The following MRAP2 variants were observed in gnomAD, a reference collection of about 807,000 sequenced individuals.
The protein encoded by MRAP2 is melanocortin-2 receptor accessory protein 2.
MRAP2 carries 20 observed loss-of-function variants against 17.4 expected under a neutral mutation model. The observed-to-expected ratio is 1.15, with a 90% confidence interval of 0.81 to 1.67. MRAP2 has a LOEUF of 1.67. MRAP2 is among the 40% of genes most tolerant of loss of function. MRAP2 has a pLI of 0.00. For missense variants in MRAP2, 238 were observed against 240.0 expected (o/e 0.99, Z 0.05); for synonymous variants, 96 against 88.4 (o/e 1.09, Z -0.48).
the MRAP2 span, among the ~76,000 whole-genome samples, chr6:84,141,760 T>C: frequency 6.6e-6 from 1 of 152,154 alleles, no homozygotes; most frequent in South Asian, 2.1e-4. Context: ...CAGGCTGGCT[T>C]TGCTGTACCT....
At chr6:84,101,378 AAATAC>A in the MRAP2 span, among the ~76,000 whole-genome samples, 1 of 152,240 alleles carries the variant, frequency 6.6e-6, no homozygotes, top group Non-Finnish European at 1.5e-5. Context: ...TATTAGGGAC[AAATAC>A]AATACAGAAA....
At chr6:84,097,562 T>C in the MRAP2 span, among the ~76,000 whole-genome samples, 1 of 152,178 alleles carries the variant, frequency 6.6e-6, no homozygotes, top group Non-Finnish European at 1.5e-5. Context: ...AAAAATGTAT[T>C]TAGTATATTT....
the MRAP2 span, among the ~76,000 whole-genome samples, chr6:84,141,313 T>C: frequency 2.0e-5 from 3 of 152,290 alleles, no homozygotes; most frequent in South Asian, 2.1e-4. Flanking sequence ...CTGGTACTTA[T>C]GGTAAAATAA....
the MRAP2 span, among the ~76,000 whole-genome samples, chr6:84,142,201 G>A: frequency 6.6e-6 from 1 of 152,136 alleles, no homozygotes; most frequent in Non-Finnish European, 1.5e-5. Flanking sequence ...AAAATTTTAA[G>A]TCTTCCTCAG....
chr6:84,122,188 G>C, the MRAP2 span, among the ~76,000 whole-genome samples: 3,666 of 151,848 alleles, frequency 0.024, 138 homozygotes, highest in African/African-American at 0.085. Flanking sequence ...AAACTGAAGA[G>C]GAAGGATGCC....
the MRAP2 span, among the ~76,000 whole-genome samples, chr6:84,134,298 G>A: frequency 2.0e-5 from 3 of 152,318 alleles, no homozygotes; most frequent in South Asian, 4.1e-4. Context: ...TGGGCTCTGT[G>A]GGGGTGGGAA....
rs536971055 is a variant in MRAP2 at position 84,065,795 on chromosome 6, C to G, written c.227+2803C>G. On this transcript the variant is annotated intron_variant, in intron 3 of 3. Coordinates refer to ENST00000257776, the MANE Select transcript of MRAP2 (RefSeq NM_138409.4). ...ATTTATCAGTACTCTTTGGATTAAG[C>G]AGATTACCCTCCATGCTGTGAGTGG... 3.3e-5 allele frequency among the ~76,000 whole-genome samples: 5 copies of G among 152,280 alleles called. No homozygotes were observed. In the East Asian group the frequency reaches 9.6e-4, roughly 29 times the overall value.
the MRAP2 span, among the ~76,000 whole-genome samples, chr6:84,122,971 C>T: frequency 6.6e-6 from 1 of 151,712 alleles, no homozygotes; most frequent in African/African-American, 2.4e-5. Flanking sequence ...AACTCAATCC[C>T]ATTTATAATA....
At chr6:84,126,205 T>C in the MRAP2 span, among the ~76,000 whole-genome samples, 1 of 152,140 alleles carries the variant, frequency 6.6e-6, no homozygotes, top group South Asian at 2.1e-4. Context: ...GCACTTGAGA[T>C]ATAAAGTCTC....
chr6:84,074,820 G>A (rs2099497169), intron 3 of MRAP2, among the ~76,000 whole-genome samples: 1 of 152,130 alleles, frequency 6.6e-6, no homozygotes, highest in African/African-American at 2.4e-5. Flanking sequence ...TGGATGACAG[G>A]AGTTGAGATC....
At chr6:84,098,824 A>G in the MRAP2 span, among the ~76,000 whole-genome samples, 1 of 151,968 alleles carries the variant, frequency 6.6e-6, no homozygotes, top group Non-Finnish European at 1.5e-5. Flanking sequence ...TTGTTTTGAG[A>G]GTTCTTTATA....
intron 1 of MRAP2, among the ~76,000 whole-genome samples, chr6:84,036,972 C>A (rs1270071621): frequency 4.6e-5 from 7 of 151,602 alleles, no homozygotes; most frequent in Non-Finnish European, 8.8e-5. Flanking sequence ...ACACAGGGTG[C>A]TGATTGGTGC....
intron 1 of MRAP2, among the ~76,000 whole-genome samples, chr6:84,053,555 T>G (rs1292792320): frequency 6.6e-6 from 1 of 152,206 alleles, no homozygotes; most frequent in East Asian, 1.9e-4. Flanking sequence ...ATCAATCAAT[T>G]AACACTTGGT....
chr6:84,035,370 G>C (rs1218861976), intron 1 of MRAP2: 3 of 955,666 alleles, frequency 3.1e-6, no homozygotes, highest in South Asian at 9.7e-5. Flanking sequence ...ACCTAGGGAA[G>C]CATTTACAAA....
chr6:84,134,394 G>GA, the MRAP2 span, among the ~76,000 whole-genome samples: 3 of 151,956 alleles, frequency 2.0e-5, no homozygotes, highest in African/African-American at 7.3e-5. Flanking sequence ...ACTGTGGTAT[G>GA]AAAAAAAACT....
intron 2 of MRAP2, among the ~76,000 whole-genome samples, chr6:84,060,070 T>G (rs551891369): frequency 1.1e-3 from 170 of 152,206 alleles, no homozygotes; most frequent in Middle Eastern, 6.8e-3. Flanking sequence ...TGGGGGAAAT[T>G]AGTGGAAATA....
intron 2 of MRAP2, among the ~76,000 whole-genome samples, chr6:84,060,476 A>T (rs1168719778): frequency 6.6e-6 from 1 of 152,242 alleles, no homozygotes; most frequent in Non-Finnish European, 1.5e-5. Context: ...GTCAATCAAC[A>T]TGATTCAATT....
the MRAP2 span, among the ~76,000 whole-genome samples, chr6:84,096,277 A>G: frequency 6.6e-6 from 1 of 152,202 alleles, no homozygotes; most frequent in Non-Finnish European, 1.5e-5. Flanking sequence ...GATGGCTTTT[A>G]AAATGAATAA....
downstream of MRAP2, among the ~76,000 whole-genome samples, chr6:84,093,256 G>T (rs2099502084): frequency 7.2e-6 from 1 of 138,582 alleles, no homozygotes; most frequent in South Asian, 2.2e-4. Context: ...AGAGAGAATA[G>T]GGCAAGAAAA....
Sources: allele counts gnomAD v4.1 joint callset (sites outside exome capture counted in the v4.1 genomes callset), GRCh38; gene constraint gnomAD v4.1.1; transcripts MANE v1.5; gene names NCBI Gene and HGNC (gene_info 2026-07-23, HGNC 2026-07-21).